PKD2L1: variants seen among roughly 807,000 people sequenced by gnomAD.
PKD2L1 encodes polycystin 2 like 1, transient receptor potential cation channel.
PKD2L1 carries 77 observed loss-of-function variants against 93.0 expected under a neutral mutation model. The observed-to-expected ratio is 0.83, with a 90% CI of 0.69 to 1.00. The LOEUF is 1.00. PKD2L1 is among the 50% of genes least tolerant of loss of function. PKD2L1 has a pLI of 0.00. For missense variants in PKD2L1, 977 were observed against 990.9 expected, an observed-to-expected ratio of 0.99 and a Z score of 0.19; for synonymous variants, 390 against 388.0, an observed-to-expected ratio of 1.01 and a Z score of -0.06.
At chr10:100,295,731 CAAAAAAAAA>C in intron 7 of PKD2L1, among the ~76,000 whole-genome samples, 1 of 56,636 alleles carries the variant, frequency 1.8e-5, no homozygotes, top group Admixed American at 2.6e-4. Flanking sequence ...GACTTCGTCT[CAAAAAAAAA>C]AAAAAAAAAA....
At chr10:100,318,709 T>C (rs1202734699) in intron 2 of PKD2L1, among the ~76,000 whole-genome samples, 3 of 151,424 alleles carry the variant, frequency 2.0e-5, no homozygotes, top group African/African-American at 7.3e-5. Flanking sequence ...TTAGTAGAGA[T>C]GGGGTTTCAC....
intron 4 of PKD2L1, 90 bp downstream of exon 4, chr10:100,298,472 A>T: frequency 7.5e-7 from 1 of 1,335,390 alleles, no homozygotes; most frequent in Non-Finnish European, 1.0e-6. Flanking sequence ...GAGGCTCTTT[A>T]AGCCTCAGTG....
chr10:100,311,795 C>A (rs1848940342), intron 2 of PKD2L1, among the ~76,000 whole-genome samples: 1 of 152,192 alleles, frequency 6.6e-6, no homozygotes, highest in South Asian at 2.1e-4. Context: ...GGTGCGTCTG[C>A]CAGTAAGTGT....
chr10:100,288,910 G>T, intron 15 of PKD2L1, 62 bp downstream of exon 15: 2 of 1,049,882 alleles, frequency 1.9e-6, no homozygotes, highest in African/African-American at 1.6e-5. Flanking sequence ...GTGGCGAGGG[G>T]GCCTGTGCGG....
chr10:100,321,669 A>AAG (rs1381645649), intron 2 of PKD2L1, among the ~76,000 whole-genome samples: 3 of 604 alleles, frequency 5.0e-3, no homozygotes, highest in African/African-American at 0.014. Flanking sequence ...TGAGAAAAGA[A>AAG]AGAAAGAAAG....
chr10:100,322,858 A>G (rs926878590), intron 2 of PKD2L1, among the ~76,000 whole-genome samples: 10 of 152,330 alleles, frequency 6.6e-5, no homozygotes, highest in East Asian at 1.9e-4. Flanking sequence ...CAGGCAACCA[A>G]TTGCTGAGTT....
intron 2 of PKD2L1, among the ~76,000 whole-genome samples, chr10:100,317,554 G>C (rs115126474): frequency 1.2e-3 from 186 of 152,160 alleles, no homozygotes; most frequent in African/African-American, 3.7e-3. Context: ...AACAAACAAA[G>C]AAAAATTTTA....
intron 9 of PKD2L1, 55 bp from the exon 10 acceptor site, chr10:100,293,434 G>A (rs1223150895): frequency 8.9e-7 from 1 of 1,121,714 alleles, no homozygotes; most frequent in East Asian, 2.3e-5. Context: ...TGAAAGGATT[G>A]AGCCCACTGA....
At chr10:100,310,951 G>C (rs372665937) in intron 2 of PKD2L1, among the ~76,000 whole-genome samples, 1 of 152,128 alleles carries the variant, frequency 6.6e-6, no homozygotes, top group Non-Finnish European at 1.5e-5. Context: ...GGCTGGTCTC[G>C]AACTCCTGAG....
intron 2 of PKD2L1, among the ~76,000 whole-genome samples, chr10:100,314,500 A>C (rs935521433): frequency 6.6e-6 from 1 of 152,162 alleles, no homozygotes; most frequent in African/African-American, 2.4e-5. Context: ...ACTGTTTCTG[A>C]TCCTGGGCTT....
chr10:100,312,808 G>A (rs1367647383), intron 2 of PKD2L1, among the ~76,000 whole-genome samples: 1 of 151,844 alleles, frequency 6.6e-6, no homozygotes, highest in Non-Finnish European at 1.5e-5. Flanking sequence ...ATCAAACCAG[G>A]AAGTCAACAG....
At chr10:100,324,768 T>C (rs2133573916) in intron 2 of PKD2L1, among the ~76,000 whole-genome samples, 1 of 152,332 alleles carries the variant, frequency 6.6e-6, no homozygotes, top group Admixed American at 6.5e-5. Flanking sequence ...GAATCCAGTG[T>C]GTCTGACTCC....
At chr10:100,297,319 A>G in intron 5 of PKD2L1, 63 bp downstream of exon 5, 3 of 1,531,632 alleles carry the variant, frequency 2.0e-6, no homozygotes, top group Non-Finnish European at 1.8e-6. Context: ...GAAGGGTCTC[A>G]TGCACAAGAG....
chr10:100,329,161 A>G (rs1400293717), intron 2 of PKD2L1, 50 bp downstream of exon 2: 2 of 1,575,620 alleles, frequency 1.3e-6, no homozygotes, highest in African/African-American at 2.7e-5. Flanking sequence ...TATAGTGCAC[A>G]CATAGATGTT....
At chr10:100,317,539 A>T (rs562090450) in intron 2 of PKD2L1, among the ~76,000 whole-genome samples, 1 of 152,280 alleles carries the variant, frequency 6.6e-6, no homozygotes, top group East Asian at 1.9e-4. Flanking sequence ...CCCTATCTCA[A>T]AACAAACAAA....
chr10:100,299,846 G>T, intron 2 of PKD2L1, 128 bp from the exon 3 acceptor site: 2 of 777,340 alleles, frequency 2.6e-6, no homozygotes, highest in Non-Finnish European at 4.3e-6. Context: ...CCATCCTCTA[G>T]ACTTGGTTAG....
intron 3 of PKD2L1, among the ~76,000 whole-genome samples, chr10:100,299,123 AT>A (rs1462150431): frequency 6.6e-6 from 1 of 151,866 alleles, no homozygotes; most frequent in Non-Finnish European, 1.5e-5. Context: ...TGCCCAGCTA[AT>A]TTTTGTATTT....
intron 2 of PKD2L1, among the ~76,000 whole-genome samples, chr10:100,310,214 G>A (rs1848902540): frequency 6.6e-6 from 1 of 152,160 alleles, no homozygotes; most frequent in South Asian, 2.1e-4. Context: ...CACATCTGTA[G>A]CCCCAGCTAC....
chr10:100,324,252 G>A (rs1394143838), intron 2 of PKD2L1, among the ~76,000 whole-genome samples: 10 of 152,156 alleles, frequency 6.6e-5, no homozygotes, highest in African/African-American at 2.4e-4. Context: ...CCAACACCAG[G>A]GTGGTACCTT....
Sources: gnomAD v4.1 joint callset for allele counts (sites outside exome capture counted in the v4.1 genomes callset) on GRCh38, gnomAD v4.1.1 for gene constraint, MANE v1.5 for transcripts, NCBI Gene and HGNC (gene_info 2026-07-23, HGNC 2026-07-21) for gene names.